The following PI4KA variants were observed in gnomAD, a reference collection of about 807,000 sequenced individuals.
The protein encoded by PI4KA is PI4-kinase alpha.
PI4KA carries 122 observed loss-of-function variants against 271.4 expected under a neutral mutation model. The observed-to-expected ratio is 0.45, with a 90% CI of 0.39 to 0.52. The LOEUF (loss-of-function observed/expected upper bound fraction) is 0.52. PI4KA is among the 20% of genes least tolerant of loss of function. The probability of loss-of-function intolerance (pLI) is 0.00; values close to 1 mark genes in which losing one functional copy is unlikely to be tolerated. For missense variants in PI4KA, 1,969 were observed against 2,769.1 expected, an observed-to-expected ratio of 0.71 and a Z score of 6.48; for synonymous variants, 1,041 against 1,078.8, an observed-to-expected ratio of 0.96 and a Z score of 0.69.
intron 19 of PI4KA, among the ~76,000 whole-genome samples, chr22:20,771,831 C>T (rs1480594409): frequency 1.3e-5 from 2 of 152,114 alleles, no homozygotes; most frequent in Non-Finnish European, 2.9e-5. Context: ...ATCCACCCGC[C>T]TTGGCCTCTC....
intron 39 of PI4KA, among the ~76,000 whole-genome samples, chr22:20,728,075 G>A (rs1927579950): frequency 6.6e-6 from 1 of 152,156 alleles, no homozygotes; most frequent in African/African-American, 2.4e-5. Context: ...TAACTTAATT[G>A]TATATTGAAA....
chr22:20,822,493 A>G (rs936150792), intron 4 of PI4KA, among the ~76,000 whole-genome samples: 1 of 152,232 alleles, frequency 6.6e-6, no homozygotes, highest in African/African-American at 2.4e-5. Context: ...TCACTGTACA[A>G]ATCTGTGATT....
In PI4KA at chr22:20,801,984, G is replaced by A; in HGVS notation, c.1713C>T (p.Asp571=). 6.2e-7 allele frequency: 1 copy of A among 1,614,122 alleles called. No individual in the cohort carries two copies. ...MYEQLRDIAI[D]NICRCLKAGL... ...GCCCAGCTTCCCACCTGCAGATGTT[G>A]TCAATAGCGATGTCTCGGAGCTGCT... Residue 571 remains aspartate (D), a synonymous_variant, in exon 14 of 55, where the codon GAC becomes GAT. Transcript: ENST00000255882.
At chr22:20,835,550 G>A (rs2147765943) in intron 2 of PI4KA, among the ~76,000 whole-genome samples, 1 of 152,000 alleles carries the variant, frequency 6.6e-6, no homozygotes, top group South Asian at 2.1e-4. Context: ...TGGCCAACAT[G>A]GCAAAACCCT....
intron 32 of PI4KA, among the ~76,000 whole-genome samples, chr22:20,737,271 C>T (rs1928839915): frequency 6.6e-6 from 1 of 152,194 alleles, no homozygotes; most frequent in South Asian, 2.1e-4. Context: ...GGCCTTAAGT[C>T]CCTGGGAAAA....
At chr22:20,802,236 C>T (rs1184432202) in intron 13 of PI4KA, 131 bp from the exon 14 acceptor site, 1 of 674,946 alleles carries the variant, frequency 1.5e-6, no homozygotes, top group Non-Finnish European at 2.4e-6. Context: ...AAACATCTGA[C>T]CAAATATTTC....
intron 45 of PI4KA, among the ~76,000 whole-genome samples, chr22:20,715,766 G>A (rs542075674): frequency 1.8e-4 from 27 of 152,188 alleles, no homozygotes; most frequent in African/African-American, 6.5e-4. Context: ...GAGCCACCGC[G>A]CCCGGCCAAC....
intron 30 of PI4KA, 175 bp from the exon 31 acceptor site, chr22:20,742,939 CTTT>C: frequency 2.6e-5 from 13 of 498,740 alleles, no homozygotes; most frequent in Middle Eastern, 5.4e-4. Flanking sequence ...CTGATCACAG[CTTT>C]TTTTTTTTTT....
At chr22:20,834,022 A>G in intron 3 of PI4KA, among the ~76,000 whole-genome samples, 1 of 152,078 alleles carries the variant, frequency 6.6e-6, no homozygotes, top group East Asian at 1.9e-4. Context: ...CCAGAGTGCT[A>G]GAATTACAGG....
intron 20 of PI4KA, 37 bp from the exon 21 acceptor site, chr22:20,765,273 G>C: frequency 1.3e-6 from 2 of 1,570,218 alleles, no homozygotes; most frequent in Non-Finnish European, 1.7e-6. Flanking sequence ...AAATCACCTT[G>C]GTCGGAAAGC....
intron 23 of PI4KA, among the ~76,000 whole-genome samples, chr22:20,754,314 C>T (rs1438799740): frequency 6.6e-6 from 1 of 151,304 alleles, no homozygotes; most frequent in South Asian, 2.1e-4. Context: ...GTCTTGAACT[C>T]CTGGGTCAAG....
At chr22:20,784,010 A>G in intron 19 of PI4KA, 2 of 1,614,200 alleles carry the variant, frequency 1.2e-6, no homozygotes. Flanking sequence ...AATGACACAC[A>G]ACCACAACTT....
chr22:20,803,152 C>T (rs749001875), intron 13 of PI4KA, 39 bp downstream of exon 13: 2 of 1,609,430 alleles, frequency 1.2e-6, no homozygotes, highest in African/African-American at 2.7e-5. Context: ...TCACAGAGCC[C>T]CTTTCTCAGG....
At chr22:20,841,139 C>T (rs749988343) in intron 1 of PI4KA, among the ~76,000 whole-genome samples, 4 of 152,198 alleles carry the variant, frequency 2.6e-5, no homozygotes, top group Non-Finnish European at 5.9e-5. Context: ...CTCGGCCTCC[C>T]AGAGCGCTGA....
intron 47 of PI4KA, among the ~76,000 whole-genome samples, chr22:20,714,142 A>G (rs1925678218): frequency 6.6e-6 from 1 of 152,144 alleles, no homozygotes; most frequent in Admixed American, 6.5e-5. Flanking sequence ...TCCAGCCTCC[A>G]GAACTGAGAT....
chr22:20,727,501 T>G, intron 40 of PI4KA, 104 bp from the exon 41 acceptor site: 2 of 1,079,792 alleles, frequency 1.9e-6, no homozygotes, highest in Non-Finnish European at 1.3e-6. Flanking sequence ...GTGATGTTTC[T>G]AAGCATCGGT....
chr22:20,797,300 G>A (rs1935043283), intron 17 of PI4KA, among the ~76,000 whole-genome samples: 2 of 152,304 alleles, frequency 1.3e-5, no homozygotes, highest in South Asian at 4.1e-4. Context: ...TGAAGAACTG[G>A]AAGGATGAAG....
chr22:20,796,005 C>A lies in PI4KA; in HGVS notation c.2277+141G>T, dbSNP rs1934962375. The A allele has an allele frequency of 5.3e-6, 4 of 758,058 alleles. No homozygotes were observed. The South Asian group carries it at 7.4e-5, about 14-fold the overall frequency. The allele number at this position is 758,058 out of a possible 1,614,324, so 47.0% of individuals were successfully genotyped here. On this transcript the variant is annotated intron_variant, in intron 18 of 54. Transcript: ENST00000255882. ...AGCATCCTTGAGAAAGAACCCCACC[C>A]CTTCTTACTTGCATTCCAGGCACAT...
intron 4 of PI4KA, among the ~76,000 whole-genome samples, chr22:20,823,401 T>C (rs1922966423): frequency 6.6e-6 from 1 of 152,152 alleles, no homozygotes; most frequent in Non-Finnish European, 1.5e-5. Context: ...TTAGTCAAAA[T>C]ACATCACTAA....
Sources: allele counts gnomAD v4.1 joint callset (sites outside exome capture counted in the v4.1 genomes callset), GRCh38; gene constraint gnomAD v4.1.1; transcripts MANE v1.5; gene names NCBI Gene and HGNC (gene_info 2026-07-23, HGNC 2026-07-21).